Variants in KCNG3 observed in about 807,000 individuals in gnomAD.
KCNG3 encodes voltage-gated potassium channel regulatory subunit KCNG3.
Under a neutral mutation model 29.0 loss-of-function variants are expected in KCNG3, and 15 were observed. The ratio of observed to expected loss-of-function variants is 0.52; its 90% CI spans 0.35 to 0.80. The LOEUF (loss-of-function observed/expected upper bound fraction) is 0.80, where lower values mean the gene tolerates loss of function less well. Among genes scored for constraint, KCNG3 ranks in the 30% least tolerant of loss-of-function variants. The probability of loss-of-function intolerance (pLI) is 0.01; values close to 1 mark genes in which losing one functional copy is unlikely to be tolerated. For synonymous variants in KCNG3, 322 were observed against 248.9 expected, an observed-to-expected ratio of 1.29 and a Z score of -2.76; for missense variants, 512 against 605.7, an observed-to-expected ratio of 0.85 and a Z score of 1.62.
chr2:42,433,710 C>T, the KCNG3 span, among the ~76,000 whole-genome samples: 1 of 152,052 alleles, frequency 6.6e-6, no homozygotes, highest in African/African-American at 2.4e-5. Flanking sequence ...TGCACTCCAG[C>T]CTGGGTGACA....
chr2:42,488,957 C>G (rs564361265), intron 1 of KCNG3, among the ~76,000 whole-genome samples: 1 of 151,848 alleles, frequency 6.6e-6, no homozygotes, highest in Non-Finnish European at 1.5e-5. Flanking sequence ...GCAATTTTTG[C>G]GGTAGTGGAG....
chr2:42,463,866 C>T, intron 1 of KCNG3: 2 of 278,268 alleles, frequency 7.2e-6, no homozygotes, highest in Non-Finnish European at 1.4e-5. Flanking sequence ...TTGGCTGAGC[C>T]TAGTTTGTAA....
intron 1 of KCNG3, among the ~76,000 whole-genome samples, chr2:42,446,272 G>C (rs1253798183): frequency 2.0e-5 from 3 of 151,962 alleles, no homozygotes; most frequent in African/African-American, 7.3e-5. Context: ...TGCCGCCTGG[G>C]TTCAAGCAAT....
rs748790243 is a variant in KCNG3, at chr2:42,493,333, C to G, written c.169G>C (p.Glu57Gln). ...CGGTCGAAGAAGTACTCGTTGCGCT[C>G]GCGGTCGTAGTCGTCGCACACCTCG... Reference protein sequence around the residue: ...VLEVCDDYDRERNEYFFDRHS... With the variant: ...VLEVCDDYDRQRNEYFFDRHS... Residue 57 changes from glutamate to glutamine, a missense_variant, in exon 1 of 2, where the codon GAG (glutamate) becomes CAG (glutamine). By Grantham distance (29) the Glu-to-Gln change is conservative. Transcript: ENST00000306078. The G allele has an allele frequency of 3.7e-6, 6 of 1,603,812 alleles. No individual in the cohort carries two copies. The highest frequency in any genetic ancestry group is 1.3e-5 in the African/African-American group (1 of 74,784).
At position 42,492,896 on chromosome 2, in the gene KCNG3, G is replaced by T; in HGVS notation, c.606C>A (p.Asp202Glu). 1 of 1,562,028 alleles carries T rather than the reference G, an allele frequency of 6.4e-7. No homozygotes were observed. Among genetic ancestry groups the T allele is most frequent in the Non-Finnish European group, 8.6e-7 (1 of 1,159,672 alleles). Reference protein sequence around the residue: ...TLPDWRNAAADNRSLDDRSRY... With the variant: ...TLPDWRNAAAENRSLDDRSRY... ...TGCTCCGGTCATCCAGGCTGCGGTT[G>T]TCGGCGGCTGCGTTGCGCCAGTCGG... The change falls in exon 1 of 2, where the codon GAC becomes GAA. Residue 202 changes from aspartate (D) to glutamate (E), a missense_variant. Asp to Glu is a conservative substitution (Grantham distance 45). This residue lies in a region of KCNG3 where 228 missense variants were observed against 200.0 expected (regional missense o/e 1.14). Coordinates refer to ENST00000306078, the MANE Select transcript of KCNG3 (RefSeq NM_133329.6).
chr2:42,475,609 C>G (rs1028360157), intron 1 of KCNG3, among the ~76,000 whole-genome samples: 1 of 148,534 alleles, frequency 6.7e-6, no homozygotes, highest in Non-Finnish European at 1.5e-5. Context: ...TGATTACAGG[C>G]ATGAGCTGCT....
At chr2:42,473,401 G>A (rs1266288298) in intron 1 of KCNG3, among the ~76,000 whole-genome samples, 1 of 151,078 alleles carries the variant, frequency 6.6e-6, no homozygotes, top group African/African-American at 2.4e-5. Flanking sequence ...CCATGGTGGA[G>A]TTCAGTGGCC....
intron 1 of KCNG3, among the ~76,000 whole-genome samples, chr2:42,456,909 A>G (rs1404546693): frequency 1.3e-5 from 2 of 152,170 alleles, no homozygotes. Flanking sequence ...TTTCTCCACA[A>G]CAATTGGTTA....
chr2:42,473,210 T>C (rs1673335934), intron 1 of KCNG3, among the ~76,000 whole-genome samples: 1 of 152,110 alleles, frequency 6.6e-6, no homozygotes, highest in African/African-American at 2.4e-5. Context: ...ACAATATTTT[T>C]AATGTTTTAT....
intron 1 of KCNG3, among the ~76,000 whole-genome samples, chr2:42,452,770 G>GGTGTGTGTGT (rs57111452): frequency 1.5e-4 from 22 of 150,104 alleles, no homozygotes; most frequent in Admixed American, 1.2e-3. Context: ...CATTCAACTG[G>GGTGTGTGTGT]GTGTGTGTGT....
chr2:42,416,196 G>A, the KCNG3 span, among the ~76,000 whole-genome samples: 4 of 152,150 alleles, frequency 2.6e-5, no homozygotes, highest in Admixed American at 6.5e-5. Flanking sequence ...GGAGACAAAG[G>A]AAGGCAGGAG....
At chr2:42,483,044 C>G (rs1050739660) in intron 1 of KCNG3, among the ~76,000 whole-genome samples, 4 of 152,000 alleles carry the variant, frequency 2.6e-5, no homozygotes, top group Non-Finnish European at 5.9e-5. Context: ...TCGCCAGAGC[C>G]AGGGAGGCAG....
At chr2:42,435,636 G>T in the KCNG3 span, among the ~76,000 whole-genome samples, 1 of 152,102 alleles carries the variant, frequency 6.6e-6, no homozygotes, top group Admixed American at 6.6e-5. Flanking sequence ...AAGAATAGAT[G>T]AAAAGATGAC....
the KCNG3 span, among the ~76,000 whole-genome samples, chr2:42,396,720 T>C: frequency 6.6e-6 from 1 of 152,132 alleles, no homozygotes; most frequent in Non-Finnish European, 1.5e-5. Flanking sequence ...TCACAGAGCA[T>C]GGTTCAGAGC....
the KCNG3 span, among the ~76,000 whole-genome samples, chr2:42,419,219 C>CTTTTTTTTTTTTTTTTTTT: frequency 4.0e-4 from 11 of 27,736 alleles, 4 homozygotes; most frequent in Non-Finnish European, 6.7e-4. Flanking sequence ...GATGGTATCT[C>CTTTTTTTTTTTTTTTTTTT]TTTTTTTTTT....
chr2:42,396,071 T>C, the KCNG3 span, among the ~76,000 whole-genome samples: 1 of 152,250 alleles, frequency 6.6e-6, no homozygotes, highest in Admixed American at 6.5e-5. Flanking sequence ...AAAACCATCT[T>C]ATACAAAGCC....
chr2:42,402,102 TCTG>T, the KCNG3 span, among the ~76,000 whole-genome samples: 1 of 152,180 alleles, frequency 6.6e-6, no homozygotes, highest in African/African-American at 2.4e-5. Context: ...CATCATCTAA[TCTG>T]CTGAGAAACT....
intron 1 of KCNG3, among the ~76,000 whole-genome samples, chr2:42,474,883 G>C (rs1673384341): frequency 6.6e-6 from 1 of 152,088 alleles, no homozygotes; most frequent in Non-Finnish European, 1.5e-5. Context: ...ATAGGTTTGG[G>C]AGGAGCCAGC....
chr2:42,452,243 A>T (rs868847773), intron 1 of KCNG3, among the ~76,000 whole-genome samples: 1,138 of 95,046 alleles, frequency 0.012, 16 homozygotes, highest in African/African-American at 0.032. Flanking sequence ...ATATATATAT[A>T]TTTTTTTTTT....
Sources: gnomAD v4.1 joint callset for allele counts (sites outside exome capture counted in the v4.1 genomes callset) on GRCh38, gnomAD v4.1.1 for gene constraint, gnomAD v4.1.1 regional missense constraint, MANE v1.5 for transcripts, NCBI Gene and HGNC (gene_info 2026-07-23, HGNC 2026-07-21) for gene names.